Variants in ZNF385D observed in about 807,000 individuals in gnomAD.
ZNF385D encodes the protein zinc finger protein 385D.
Under a neutral mutation model 35.8 loss-of-function variants are expected in ZNF385D, and 15 were observed. The observed-to-expected ratio is 0.42, with a 90% CI of 0.28 to 0.64. The LOEUF (loss-of-function observed/expected upper bound fraction) is 0.64, where lower values mean the gene tolerates loss of function less well. ZNF385D is among the 30% of genes least tolerant of loss of function. ZNF385D has a pLI of 0.23. For missense variants in ZNF385D, 474 were observed against 494.6 expected (o/e 0.96, Z 0.39); for synonymous variants, 212 against 186.8 (o/e 1.13, Z -1.10).
At position 21,479,117 on chromosome 3, in the gene ZNF385D, T is replaced by C. The variant is rs575655994; in HGVS notation, c.439+31744A>G. Among the ~76,000 whole-genome samples the C allele has an allele frequency of 2.0e-5, 3 of 151,020 alleles. No homozygotes were observed. In the East Asian group the frequency reaches 5.9e-4, roughly 30 times the overall value. ...AACATAAAGTATAAAGTTAATATTTTTATACTTGAAAGTATAAAAGTCTAG... is the reference window on the plus strand; with the variant it reads ...AACATAAAGTATAAAGTTAATATTTCTATACTTGAAAGTATAAAAGTCTAG... On this transcript the variant is annotated intron_variant, in intron 4 of 7. Transcript: ENST00000281523.
At chr3:22,337,914 C>A (rs1420339995) in intron 2 of ZNF385D, among the ~76,000 whole-genome samples, 1 of 152,144 alleles carries the variant, frequency 6.6e-6, no homozygotes, top group Non-Finnish European at 1.5e-5. Context: ...GTGGTGGACC[C>A]TTTGACTTTT....
intron 3 of ZNF385D, among the ~76,000 whole-genome samples, chr3:21,778,432 C>T (rs2071372844): frequency 6.6e-6 from 1 of 151,890 alleles, no homozygotes. Flanking sequence ...AGAAATAAGG[C>T]AAGTCCCATT....
At chr3:22,315,824 T>C (rs1703855971) in intron 2 of ZNF385D, among the ~76,000 whole-genome samples, 4 of 152,098 alleles carry the variant, frequency 2.6e-5, no homozygotes, top group Admixed American at 6.6e-5. Flanking sequence ...TCCCTAAAAC[T>C]GATCCCCTCC....
At chr3:21,515,737 T>C (rs1290634089) in intron 3 of ZNF385D, among the ~76,000 whole-genome samples, 2 of 152,192 alleles carry the variant, frequency 1.3e-5, no homozygotes, top group African/African-American at 4.8e-5. Context: ...AGGCCCTTCC[T>C]AAAATTGATC....
chr3:22,174,991 A>G (rs1694720555), intron 2 of ZNF385D, among the ~76,000 whole-genome samples: 1 of 152,090 alleles, frequency 6.6e-6, no homozygotes, highest in Non-Finnish European at 1.5e-5. Flanking sequence ...GAATCCACCA[A>G]TACTGACTTC....
chr3:21,624,086 A>G (rs1181614583), intron 2 of ZNF385D, among the ~76,000 whole-genome samples: 3 of 152,154 alleles, frequency 2.0e-5, no homozygotes, highest in Non-Finnish European at 4.4e-5. Flanking sequence ...TGTTAAAATT[A>G]TCCAATTCAG....
intron 2 of ZNF385D, among the ~76,000 whole-genome samples, chr3:22,321,606 C>T (rs1478724921): frequency 6.6e-6 from 1 of 152,078 alleles, no homozygotes; most frequent in Non-Finnish European, 1.5e-5. Context: ...ACCTCGTGAT[C>T]CACTCACCTC....
intron 3 of ZNF385D, among the ~76,000 whole-genome samples, chr3:21,520,836 T>C (rs550380197): frequency 4.6e-5 from 7 of 152,302 alleles, no homozygotes; most frequent in African/African-American, 1.7e-4. Flanking sequence ...ACTCGGGAAA[T>C]GCTAGTCCTT....
intron 2 of ZNF385D, among the ~76,000 whole-genome samples, chr3:21,574,918 G>GTTTTC (rs2063449110): frequency 6.6e-6 from 1 of 152,034 alleles, no homozygotes; most frequent in African/African-American, 2.4e-5. Flanking sequence ...ACTCCTTGTT[G>GTTTTC]TTTTCTTTTG....
intron 3 of ZNF385D, among the ~76,000 whole-genome samples, chr3:21,991,757 C>T (rs189493213): frequency 2.6e-5 from 4 of 152,172 alleles, no homozygotes; most frequent in African/African-American, 7.2e-5. Context: ...AAATGTCCAT[C>T]CTCTTCACTG....
intron 4 of ZNF385D, among the ~76,000 whole-genome samples, chr3:21,483,693 G>T (rs1013827656): frequency 1.3e-5 from 2 of 152,062 alleles, no homozygotes; most frequent in Admixed American, 6.6e-5. Context: ...CTTTTTATGT[G>T]CTTTTCATTG....
intron 3 of ZNF385D, among the ~76,000 whole-genome samples, chr3:22,105,456 G>T (rs1344241569): frequency 1.3e-5 from 2 of 152,022 alleles, no homozygotes; most frequent in African/African-American, 2.4e-5. Flanking sequence ...GAGAGAGAAA[G>T]AGAGACTTAA....
rs144595958 is a variant in ZNF385D, at chr3:21,659,920, C to T, written c.165+4966G>A. On this transcript the variant is annotated intron_variant, in intron 2 of 7. Transcript: ENST00000281523. Reference sequence around the variant, plus strand: ...TTTGATTCAGAATCTGTACTTTTAACATGATTACCTGTGATTTCATAGGAG... The same window carrying T: ...TTTGATTCAGAATCTGTACTTTTAATATGATTACCTGTGATTTCATAGGAG... 3.2e-4 allele frequency among the ~76,000 whole-genome samples: 48 copies of T among 152,186 alleles called. 1 individual carries two copies. Among genetic ancestry groups the T allele is most frequent in the African/African-American group, 1.1e-3 (46 of 41,534 alleles).
chr3:21,744,257 A>T (rs2069657306), intron 1 of ZNF385D, among the ~76,000 whole-genome samples: 1 of 152,226 alleles, frequency 6.6e-6, no homozygotes. Flanking sequence ...CACACTTTGA[A>T]AAATACAAAT....
chr3:21,697,518 A>T lies in ZNF385D; in HGVS notation c.23-32490T>A, dbSNP rs886368014. Among the ~76,000 whole-genome samples the T allele has an allele frequency of 2.0e-5, 3 of 152,144 alleles. No homozygotes were observed. In the East Asian group the frequency reaches 5.8e-4, roughly 29 times the overall value. ...GTCTAATATGATAGCCACTAGTCCTATATGGCTATTGAATACTTAAAATGT... is the reference window on the plus strand; with the variant it reads ...GTCTAATATGATAGCCACTAGTCCTTTATGGCTATTGAATACTTAAAATGT... On this transcript the variant is annotated intron_variant, in intron 1 of 7. Coordinates refer to ENST00000281523, the MANE Select transcript of ZNF385D (RefSeq NM_024697.3).
chr3:21,669,902 G>C (rs964972170), intron 1 of ZNF385D, among the ~76,000 whole-genome samples: 3 of 152,204 alleles, frequency 2.0e-5, no homozygotes, highest in East Asian at 1.9e-4. Flanking sequence ...TACTCCATGA[G>C]AGTGCGGTGG....
At chr3:22,064,985 T>A (rs796316052) in intron 3 of ZNF385D, among the ~76,000 whole-genome samples, 26 of 152,352 alleles carry the variant, frequency 1.7e-4, no homozygotes, top group African/African-American at 5.8e-4. Context: ...TATGACGGTA[T>A]AATGTTGTAA....
chr3:21,676,320 ACTTGAG>A (rs1003541098), intron 1 of ZNF385D, among the ~76,000 whole-genome samples: 1 of 152,124 alleles, frequency 6.6e-6, no homozygotes, highest in African/African-American at 2.4e-5. Flanking sequence ...TGCGGAGCTG[ACTTGAG>A]CTCTGTTTAG....
intron 3 of ZNF385D, among the ~76,000 whole-genome samples, chr3:21,989,032 C>T (rs1694992417): frequency 6.6e-6 from 1 of 152,092 alleles, no homozygotes; most frequent in African/African-American, 2.4e-5. Flanking sequence ...TGCGCGCACC[C>T]ACTGGCCTGT....
Sources: gnomAD v4.1 joint callset for allele counts (sites outside exome capture counted in the v4.1 genomes callset) on GRCh38, gnomAD v4.1.1 for gene constraint, MANE v1.5 for transcripts, NCBI Gene and HGNC (gene_info 2026-07-23, HGNC 2026-07-21) for gene names.